The following SLC25A37 variants were observed in gnomAD, a reference collection of about 807,000 sequenced individuals.
The protein encoded by SLC25A37 is mitoferrin-1.
SLC25A37 carries 17 observed loss-of-function variants against 31.0 expected under a neutral mutation model. The ratio of observed to expected loss-of-function variants is 0.55; its 90% confidence interval spans 0.38 to 0.82. SLC25A37 has a LOEUF of 0.82. Ranked by LOEUF, SLC25A37 falls within the 40% of genes least tolerant of loss-of-function variation. The pLI, the probability that SLC25A37 is intolerant of heterozygous loss-of-function variation, is 0.00. For synonymous variants in SLC25A37, 222 were observed against 193.0 expected, an observed-to-expected ratio of 1.15 and a Z score of -1.24; for missense variants, 404 against 465.8, an observed-to-expected ratio of 0.87 and a Z score of 1.22.
intron 1 of SLC25A37, among the ~76,000 whole-genome samples, chr8:23,545,685 A>G (rs1218978387): frequency 6.6e-6 from 1 of 152,284 alleles, no homozygotes; most frequent in South Asian, 2.1e-4. Flanking sequence ...AATGGTCAGG[A>G]TAGAAGCATA....
chr8:23,529,050 G>C lies in SLC25A37; in HGVS notation c.48G>C (p.Arg16Ser), dbSNP rs1357635491. The change falls in exon 1 of 4, where the codon AGG (arginine) becomes AGC (serine). Residue 16 changes from arginine (R) to serine (S), a missense_variant. Arg to Ser is a moderately radical substitution (Grantham distance 110). Coordinates refer to ENST00000519973, the MANE Select transcript of SLC25A37 (RefSeq NM_016612.4). The surrounding 1 kb of genome is among the most constrained non-coding windows in gnomAD (Gnocchi z 4.1). ...TGGGCAGCCAGGCGGTGGCGCGGAG[G>C]ATGGATGGGGACAGCCGAGATGGCG... is the stretch of plus-strand genomic sequence containing the variant. ...GSVGSQAVAR[R>S]MDGDSRDGGG... 1.9e-6 allele frequency: 3 copies of C among 1,576,192 alleles called. No homozygotes were observed. Among genetic ancestry groups the C allele is most frequent in the Middle Eastern group, 1.7e-4 (1 of 5,992 alleles).
At chr8:23,532,956 G>A (rs968164450) in intron 1 of SLC25A37, among the ~76,000 whole-genome samples, 4 of 152,338 alleles carry the variant, frequency 2.6e-5, no homozygotes, top group Admixed American at 1.3e-4. Flanking sequence ...TCAGAAGGGC[G>A]TGAAATCCCA....
At position 23,542,375 on chromosome 8, in the gene SLC25A37, T is replaced by TA. The variant is rs1293900284; in HGVS notation, c.210+13164dup. 1.4e-3 allele frequency among the ~76,000 whole-genome samples: 196 copies of TA among 137,896 alleles called. 1 individual carries two copies. The highest frequency in any genetic ancestry group is 5.6e-3 in the African/African-American group (187 of 33,510). The allele number at this position is 137,896 out of a possible 152,430, so 90.5% of individuals were successfully genotyped here. ...TTGTCATTACTTTAGAGTGTACTCCTACTTTTTTTTTTTTTTTTTTGAGAT... is the reference window on the plus strand; with the variant it reads ...TTGTCATTACTTTAGAGTGTACTCCTAACTTTTTTTTTTTTTTTTTTGAGAT... On this transcript the variant is annotated intron_variant, in intron 1 of 3. Transcript: ENST00000519973.
At chr8:23,543,987 A>T (rs1801969947) in intron 1 of SLC25A37, among the ~76,000 whole-genome samples, 1 of 151,706 alleles carries the variant, frequency 6.6e-6, no homozygotes, top group Non-Finnish European at 1.5e-5. Flanking sequence ...CAGCCTCCCG[A>T]GTAGATGGGA....
intron 1 of SLC25A37, among the ~76,000 whole-genome samples, chr8:23,560,655 T>A (rs1207706876): frequency 6.6e-6 from 1 of 152,240 alleles, no homozygotes; most frequent in Admixed American, 6.5e-5. Flanking sequence ...TCTCTGCGCT[T>A]CTGGGCCACT....
intron 1 of SLC25A37, among the ~76,000 whole-genome samples, chr8:23,535,608 G>A (rs1461123058): frequency 6.6e-6 from 1 of 152,160 alleles, no homozygotes; most frequent in African/African-American, 2.4e-5. Context: ...TCTGCAAAGT[G>A]GGGATATGAA....
intron 1 of SLC25A37, among the ~76,000 whole-genome samples, chr8:23,564,933 C>G (rs1563265479): frequency 6.6e-6 from 1 of 152,038 alleles, no homozygotes; most frequent in Non-Finnish European, 1.5e-5. Flanking sequence ...TCTGATCTAC[C>G]TACCTACGTA....
At chr8:23,559,581 A>C (rs1802460505) in intron 1 of SLC25A37, among the ~76,000 whole-genome samples, 1 of 152,190 alleles carries the variant, frequency 6.6e-6, no homozygotes, top group Non-Finnish European at 1.5e-5. Flanking sequence ...CATCAGTGTC[A>C]TGCATCCACA....
chr8:23,528,985 G>T lies in SLC25A37; in HGVS notation c.-18G>T, dbSNP rs969890916. 2 of 1,476,898 alleles carry T rather than the reference G, an allele frequency of 1.4e-6. No homozygotes were observed. Among genetic ancestry groups the T allele is most frequent in the African/African-American group, 2.9e-5 (2 of 69,168 alleles). The allele number at this position is 1,476,898 out of a possible 1,614,324, so 91.5% of individuals were successfully genotyped here. Reference sequence around the variant, plus strand: ...CTGCCCACCTCCTGCAGCCTCCTGCGCCCCGCCGAGCTGGCGGATGGAGCT... The same window carrying T: ...CTGCCCACCTCCTGCAGCCTCCTGCTCCCCGCCGAGCTGGCGGATGGAGCT... On this transcript the variant is annotated 5_prime_UTR_variant, in exon 1 of 4. Coordinates refer to ENST00000519973, the MANE Select transcript of SLC25A37 (RefSeq NM_016612.4).
In SLC25A37 at chr8:23,571,396, G is replaced by T; in HGVS notation, c.558G>T (p.Arg186=). 2 of 1,613,478 alleles carry T rather than the reference G, an allele frequency of 1.2e-6. No individual in the cohort carries two copies. The highest frequency in any genetic ancestry group is 1.7e-6 in the Non-Finnish European group (2 of 1,179,610). The change falls in exon 4 of 4, where the codon CGG becomes CGT. Residue 186 remains arginine, a synonymous_variant. Coordinates refer to ENST00000519973, the MANE Select transcript of SLC25A37 (RefSeq NM_016612.4). ...ACCGGTCAGCAATCAGCTGCATCCG[G>T]ACGGTGTGGAGGACCGAGGGGTTGG... ...SQHRSAISCI[R]TVWRTEGLGA...
intron 1 of SLC25A37, among the ~76,000 whole-genome samples, chr8:23,535,284 G>A (rs1801743537): frequency 6.6e-6 from 1 of 152,100 alleles, no homozygotes; most frequent in South Asian, 2.1e-4. Flanking sequence ...ACATGTCTGG[G>A]CAGCTGCTTG....
At chr8:23,561,076 A>T (rs559065239) in intron 1 of SLC25A37, among the ~76,000 whole-genome samples, 1 of 152,322 alleles carries the variant, frequency 6.6e-6, no homozygotes, top group South Asian at 2.1e-4. Flanking sequence ...TTTACATAAG[A>T]TAAAGTAAGC....
chr8:23,545,105 T>G (rs1802000579), intron 1 of SLC25A37, among the ~76,000 whole-genome samples: 2 of 152,198 alleles, frequency 1.3e-5, no homozygotes, highest in Non-Finnish European at 2.9e-5. Flanking sequence ...GGTTTAGGGT[T>G]TGCCTGAGTG....
At chr8:23,540,987 A>G (rs1213481013) in intron 1 of SLC25A37, among the ~76,000 whole-genome samples, 1 of 152,222 alleles carries the variant, frequency 6.6e-6, no homozygotes, top group African/African-American at 2.4e-5. Flanking sequence ...TGGAAAATCC[A>G]GGCTCTCATT....
chr8:23,550,631 G>A lies in SLC25A37; in HGVS notation c.211-15477G>A, dbSNP rs565587456. 2.6e-5 allele frequency among the ~76,000 whole-genome samples: 4 copies of A among 152,340 alleles called. No individual in the cohort carries two copies. In the South Asian group the frequency reaches 6.2e-4, roughly 24 times the overall value. On this transcript the variant is annotated intron_variant, in intron 1 of 3. Transcript: ENST00000519973. ...CCTGTCCAGTGTGGACAGCTTACGC[G>A]CAGCTAGGTGAAATGATTGTGCAGT...
chr8:23,558,903 A>G (rs1352694896), intron 1 of SLC25A37, among the ~76,000 whole-genome samples: 2 of 152,190 alleles, frequency 1.3e-5, no homozygotes. Context: ...TTTCCCCTCC[A>G]GGGGCCAGCC....
intron 1 of SLC25A37, among the ~76,000 whole-genome samples, chr8:23,553,186 C>G (rs998115522): frequency 7.2e-5 from 11 of 152,050 alleles, no homozygotes; most frequent in African/African-American, 2.4e-4. Context: ...TTTGGGAGGC[C>G]GAGGTGGGTG....
chr8:23,571,411 C>T lies in SLC25A37; in HGVS notation c.573C>T (p.Thr191=). The T allele has an allele frequency of 5.6e-6, 9 of 1,613,752 alleles. No individual in the cohort carries two copies. Among genetic ancestry groups the T allele is most frequent in the South Asian group, 1.1e-5 (1 of 91,076 alleles). Residue 191 remains threonine (T), a synonymous_variant, in exon 4 of 4, where the codon ACC becomes ACT. Transcript: ENST00000519973. ...GCTGCATCCGGACGGTGTGGAGGAC[C>T]GAGGGGTTGGGGGCCTTCTACCGGA... ...AISCIRTVWR[T]EGLGAFYRSY... is the part of the protein sequence containing the mutation.
Position 23,561,071 on chromosome 8 carries a change from A to G in SLC25A37, c.211-5037A>G, listed in dbSNP as rs1802502239. 2.0e-5 allele frequency among the ~76,000 whole-genome samples: 3 copies of G among 152,224 alleles called. No homozygotes were observed. In the South Asian group the frequency reaches 6.2e-4, roughly 32 times the overall value. ...TGCACTCAGTAAATCTACGTTTTAC[A>G]TAAGATAAAGTAAGCTTATGAAATT... On this transcript the variant is annotated intron_variant, in intron 1 of 3. Coordinates refer to ENST00000519973, the MANE Select transcript of SLC25A37 (RefSeq NM_016612.4).
Sources: gnomAD v4.1 joint callset for allele counts (sites outside exome capture counted in the v4.1 genomes callset) on GRCh38, gnomAD v4.1.1 for gene constraint, Gnocchi (gnomAD v3.1) non-coding constraint, MANE v1.5 for transcripts, NCBI Gene and HGNC (gene_info 2026-07-23, HGNC 2026-07-21) for gene names.